Variants in HSCB observed in about 807,000 individuals in gnomAD.
HSCB encodes iron-sulfur cluster co-chaperone protein HscB.
A neutral mutation model predicts 31.3 loss-of-function variants in HSCB; 23 were observed. The ratio of observed to expected loss-of-function variants is 0.74; its 90% CI spans 0.53 to 1.04. HSCB has a LOEUF of 1.04. HSCB is among the 50% of genes least tolerant of loss of function. The probability of loss-of-function intolerance (pLI) is 0.00; values close to 1 mark genes in which losing one functional copy is unlikely to be tolerated. For missense variants in HSCB, 297 were observed against 288.1 expected, an observed-to-expected ratio of 1.03 and a Z score of -0.22; for synonymous variants, 110 against 104.5, an observed-to-expected ratio of 1.05 and a Z score of -0.32.
chr22:28,756,196 T>C (rs1030652964), intron 5 of HSCB, among the ~76,000 whole-genome samples: 6 of 149,360 alleles, frequency 4.0e-5, no homozygotes, highest in Admixed American at 3.4e-4. Context: ...TGCAGTGAGC[T>C]GAGATCACGC....
At chr22:28,755,871 C>T (rs575209606) in intron 5 of HSCB, among the ~76,000 whole-genome samples, 1 of 152,280 alleles carries the variant, frequency 6.6e-6, no homozygotes, top group African/African-American at 2.4e-5. Flanking sequence ...GATGTCAGTA[C>T]TACCTCCCAG....
At chr22:28,756,997 T>A in intron 5 of HSCB, 81 bp from the exon 6 acceptor site, 1 of 807,558 alleles carries the variant, frequency 1.2e-6, no homozygotes, top group East Asian at 2.5e-5. Flanking sequence ...GCTCCACTTA[T>A]ATATCGCTGC....
Position 28,743,938 on chromosome 22 carries a change from A to G in HSCB, c.293A>G (p.Gln98Arg), listed in dbSNP as rs371066812. The change falls in exon 2 of 6, where the codon CAG (glutamine) becomes CGG (arginine). Residue 98 changes from glutamine (Q) to arginine (R), a missense_variant. By Grantham distance (43) the Gln-to-Arg change is conservative (BLOSUM62 1). Transcript: ENST00000216027. Reference protein sequence around the residue: ...AKLQHRYQQLQRLVHPDFFSQ... With the variant: ...AKLQHRYQQLRRLVHPDFFSQ... ...CTCCAGCACAGGTACCAGCAACTGC[A>G]GCGTCTTGTCCACCCAGATTTCTTC... 79 of 1,614,224 alleles carry G rather than the reference A, an allele frequency of 4.9e-5. No individual in the cohort carries two copies. The highest frequency in any genetic ancestry group is 6.2e-5 in the Non-Finnish European group (73 of 1,180,032).
At chr22:28,748,274 CCTT>C (rs1011931537) in intron 4 of HSCB, among the ~76,000 whole-genome samples, 12 of 152,290 alleles carry the variant, frequency 7.9e-5, no homozygotes, top group Non-Finnish European at 1.2e-4. Flanking sequence ...GCCTTAACAA[CCTT>C]CTTCTTCCTT....
intron 2 of HSCB, among the ~76,000 whole-genome samples, chr22:28,744,225 C>A (rs760262530): frequency 6.6e-6 from 1 of 152,218 alleles, no homozygotes; most frequent in African/African-American, 2.4e-5. Context: ...TCTACTTAAC[C>A]ACTTCCTTAG....
At chr22:28,742,549 C>A (rs1277730433) in intron 1 of HSCB, 3 of 742,164 alleles carry the variant, frequency 4.0e-6, no homozygotes, top group South Asian at 2.2e-5. Context: ...AGAAGGGAGA[C>A]GAACGGGACT....
chr22:28,748,416 AGTAGCTTTTCACTGGTCTGT>A (rs2029977215), intron 4 of HSCB, among the ~76,000 whole-genome samples: 1 of 152,126 alleles, frequency 6.6e-6, no homozygotes, highest in Non-Finnish European at 1.5e-5. Context: ...GGACAACTGC[AGTAGCTTTTCACTGGTCTGT>A]CCGTACCTTC....
chr22:28,745,943 T>C lies in HSCB; in HGVS notation c.503T>C (p.Ile168Thr). 1.9e-6 allele frequency: 3 copies of C among 1,613,600 alleles called. No individual in the cohort carries two copies. The highest frequency in any genetic ancestry group is 2.5e-6 in the Non-Finnish European group (3 of 1,179,714). Residue 168 changes from isoleucine (I) to threonine (T), a missense_variant, in exon 4 of 6, where the codon ATC (isoleucine) becomes ACC (threonine). Transcript: ENST00000216027. ...DRQFLIEIME[I>T]NEKLAEAESE... is the part of the protein sequence containing the mutation. ...CAATTCCTCATAGAAATAATGGAAA[T>C]CAATGAAAAACTCGCAGAAGCTGAA... is the stretch of plus-strand genomic sequence containing the variant.
At position 28,743,941 on chromosome 22, in the gene HSCB, G is replaced by C; in HGVS notation, c.296G>C (p.Arg99Pro). The C allele has an allele frequency of 6.2e-7, 1 of 1,614,174 alleles. No homozygotes were observed. The highest frequency in any genetic ancestry group is 8.5e-7 in the Non-Finnish European group (1 of 1,180,016). ...CAGCACAGGTACCAGCAACTGCAGC[G>C]TCTTGTCCACCCAGATTTCTTCAGC... is the stretch of plus-strand genomic sequence containing the variant. ...KLQHRYQQLQ[R>P]LVHPDFFSQR... The change falls in exon 2 of 6, where the codon CGT (arginine) becomes CCT (proline). Residue 99 changes from arginine (R) to proline (P), a missense_variant. Physicochemically the swap from Arg to Pro is moderately radical, Grantham distance 103 (BLOSUM62 -2). Transcript: ENST00000216027.
rs533429900 is a variant in HSCB, at chr22:28,746,118, C to T, written c.568+110C>T. The stretch of plus-strand genomic sequence containing the variant: ...ATAATGGCCCGGGTGCAGTGGCTCA[C>T]GCCTATAATCCCAGCACTTTGGGAG... On this transcript the variant is annotated intron_variant, in intron 4 of 5. Coordinates refer to ENST00000216027, the MANE Select transcript of HSCB (RefSeq NM_172002.5). 61 of 1,040,358 alleles carry T rather than the reference C, an allele frequency of 5.9e-5. No individual in the cohort carries two copies. In the East Asian group the frequency reaches 1.4e-3, roughly 24 times the overall value. 64.4% of individuals were successfully genotyped at this position (1,040,358 alleles called of 1,614,324 possible).
intron 3 of HSCB, 70 bp downstream of exon 3, chr22:28,744,774 C>T: frequency 8.3e-7 from 1 of 1,205,872 alleles, no homozygotes; most frequent in Non-Finnish European, 1.2e-6. Context: ...CAGCCACGTC[C>T]CCTTTATTCA....
At chr22:28,744,510 C>T in intron 2 of HSCB, 105 bp from the exon 3 acceptor site, 1 of 777,330 alleles carries the variant, frequency 1.3e-6, no homozygotes, top group Non-Finnish European at 2.2e-6. Flanking sequence ...TGAGTTCGCG[C>T]CACTGCACAC....
Position 28,742,226 on chromosome 22 carries a change from G to A in HSCB, c.131G>A (p.Cys44Tyr), listed in dbSNP as rs750228013. The change falls in exon 1 of 6, where the codon TGC becomes TAC. Residue 44 changes from cysteine to tyrosine, a missense_variant. Cys to Tyr is a radical substitution (Grantham distance 194). Coordinates refer to ENST00000216027, the MANE Select transcript of HSCB (RefSeq NM_172002.5). ...AGCAATTATCCCCGCTGTTGGAACT[G>A]CGGCGGCCCATGGGGCCCCGGGCGG... ...AGSNYPRCWNCGGPWGPGRED... is the reference protein window; with the variant it reads ...AGSNYPRCWNYGGPWGPGRED... 1 of 1,613,968 alleles carries A rather than the reference G, an allele frequency of 6.2e-7. No homozygotes were observed. Among genetic ancestry groups the A allele is most frequent in the Non-Finnish European group, 8.5e-7 (1 of 1,179,980 alleles).
At chr22:28,750,943 G>GTAT (rs1202821377) in intron 4 of HSCB, among the ~76,000 whole-genome samples, 1 of 62,050 alleles carries the variant, frequency 1.6e-5, no homozygotes, top group African/African-American at 6.0e-5. Flanking sequence ...GTATATCTTT[G>GTAT]TCTTTTTTTT....
chr22:28,753,708 G>A (rs2146223925), intron 5 of HSCB, among the ~76,000 whole-genome samples: 1 of 151,766 alleles, frequency 6.6e-6, no homozygotes, highest in Non-Finnish European at 1.5e-5. Context: ...CGTGGTGGCG[G>A]GCACCTGTAG....
In HSCB at chr22:28,757,140, A is replaced by G; in HGVS notation, c.679A>G (p.Lys227Glu). The change falls in exon 6 of 6, where the codon AAG becomes GAG. Residue 227 changes from lysine (K) to glutamate (E), a missense_variant. Coordinates refer to ENST00000216027, the MANE Select transcript of HSCB (RefSeq NM_172002.5). The part of the protein sequence containing the change: ...KMRYFSNIEE[K>E]IKLKKIPL ...GAGATACTTTTCAAATATAGAAGAA[A>G]AGATCAAGTTAAAGAAGATTCCCCT... The G allele has an allele frequency of 6.4e-7, 1 of 1,562,734 alleles. No homozygotes were observed. The highest frequency in any genetic ancestry group is 2.2e-5 in the East Asian group (1 of 44,588).
At chr22:28,752,620 G>C (rs942027099) in intron 5 of HSCB, among the ~76,000 whole-genome samples, 1 of 151,228 alleles carries the variant, frequency 6.6e-6, no homozygotes. Flanking sequence ...TGTAGTCCCA[G>C]CTACTCGGGA....
chr22:28,744,053 AT>A, intron 2 of HSCB, 75 bp downstream of exon 2: 1 of 1,135,206 alleles, frequency 8.8e-7, no homozygotes. Context: ...TGGTTATGTG[AT>A]TATCAGGGAC....
At chr22:28,747,691 G>A (rs995539507) in intron 4 of HSCB, among the ~76,000 whole-genome samples, 28 of 152,102 alleles carry the variant, frequency 1.8e-4, no homozygotes, top group Admixed American at 1.8e-3. Flanking sequence ...AAGATTCCAA[G>A]GTTCTCCGTT....
Sources: gnomAD v4.1 joint callset for allele counts (sites outside exome capture counted in the v4.1 genomes callset) on GRCh38, gnomAD v4.1.1 for gene constraint, MANE v1.5 for transcripts, NCBI Gene and HGNC (gene_info 2026-07-23, HGNC 2026-07-21) for gene names.